Variants in GABRG3 observed in about 807,000 individuals in gnomAD.
GABRG3 encodes the protein gamma-aminobutyric acid receptor subunit gamma-3.
Under a neutral mutation model 48.8 loss-of-function variants are expected in GABRG3, and 25 were observed. That is an observed-to-expected ratio of 0.51 (90% confidence interval 0.37 to 0.72). GABRG3 has a LOEUF of 0.72. Ranked by LOEUF, GABRG3 falls within the 30% of genes least tolerant of loss-of-function variation. The pLI is 0.00. For synonymous variants in GABRG3, 227 were observed against 217.6 expected (o/e 1.04, Z -0.38); for missense variants, 394 against 577.9 (o/e 0.68, Z 3.26).
intron 3 of GABRG3, among the ~76,000 whole-genome samples, chr15:27,220,594 A>G (rs1889419290): frequency 1.3e-5 from 2 of 152,158 alleles, no homozygotes; most frequent in Non-Finnish European, 2.9e-5. Flanking sequence ...GGCATTTTCC[A>G]TCTGGTAGGG....
At chr15:27,166,066 CT>C (rs1473412582) in intron 3 of GABRG3, among the ~76,000 whole-genome samples, 1 of 152,070 alleles carries the variant, frequency 6.6e-6, no homozygotes, top group Non-Finnish European at 1.5e-5. Context: ...CTGATTACGT[CT>C]TTAGGCAATG....
chr15:27,026,793 G>A lies in GABRG3; in HGVS notation c.242G>A (p.Ser81Asn), dbSNP rs1171738132. ...ATTGACGTTGACATTTATGTTAACA[G>A]CATTGGTCCTGTGTCATCAATAAAC... ...TVIDVDIYVN[S>N]IGPVSSINME... Residue 81 changes from serine to asparagine, a missense_variant, in exon 3 of 10, where the codon AGC (serine) becomes AAC (asparagine). Around this residue, in one of 3 missense-constraint regions of GABRG3, gnomAD observed 218 missense variants for 309.9 expected, o/e 0.70. Transcript: ENST00000615808. 6.2e-7 allele frequency: 1 copy of A among 1,611,568 alleles called. No individual in the cohort carries two copies. The highest frequency in any genetic ancestry group is 8.5e-7 in the Non-Finnish European group (1 of 1,179,202).
intron 5 of GABRG3, among the ~76,000 whole-genome samples, chr15:27,351,517 GGT>G (rs1894592458): frequency 7.0e-6 from 1 of 143,274 alleles, no homozygotes; most frequent in Non-Finnish European, 1.5e-5. Flanking sequence ...ATGTGTGTAT[GGT>G]GTGTTTGTGT....
At chr15:27,280,057 C>A (rs1891384755) in intron 3 of GABRG3, among the ~76,000 whole-genome samples, 1 of 151,816 alleles carries the variant, frequency 6.6e-6, no homozygotes, top group African/African-American at 2.4e-5. Flanking sequence ...AATGAAATTC[C>A]TTTGGTAGAA....
chr15:27,078,743 G>T (rs562856481), intron 3 of GABRG3, among the ~76,000 whole-genome samples: 1 of 152,352 alleles, frequency 6.6e-6, no homozygotes, highest in African/African-American at 2.4e-5. Context: ...TTCGCATGAG[G>T]ACCATATTAA....
intron 2 of GABRG3, among the ~76,000 whole-genome samples, chr15:26,996,930 G>A (rs917772700): frequency 3.3e-5 from 5 of 152,160 alleles, no homozygotes; most frequent in African/African-American, 1.2e-4. Flanking sequence ...GGGATTACAG[G>A]TGTGAGCCAC....
intron 6 of GABRG3, among the ~76,000 whole-genome samples, chr15:27,481,929 G>A (rs1409112706): frequency 6.6e-6 from 1 of 152,150 alleles, no homozygotes; most frequent in African/African-American, 2.4e-5. Flanking sequence ...GACCTTTGGG[G>A]TCTAAGGCCG....
intron 3 of GABRG3, among the ~76,000 whole-genome samples, chr15:27,255,326 C>G (rs1009001735): frequency 6.6e-6 from 1 of 152,206 alleles, no homozygotes; most frequent in African/African-American, 2.4e-5. Flanking sequence ...AAGGGTGGTA[C>G]AGTCAGTGCC....
chr15:27,487,400 G>A (rs1378685319), intron 6 of GABRG3, among the ~76,000 whole-genome samples: 1 of 152,146 alleles, frequency 6.6e-6, no homozygotes, highest in Non-Finnish European at 1.5e-5. Flanking sequence ...TTTGAGCAAG[G>A]TGGGACATGA....
At chr15:26,973,740 C>T (rs999662055) in intron 1 of GABRG3, among the ~76,000 whole-genome samples, 2 of 152,200 alleles carry the variant, frequency 1.3e-5, no homozygotes, top group Non-Finnish European at 2.9e-5. Context: ...CCTTTTAATG[C>T]TTAAAAATAC....
At chr15:27,131,320 A>C (rs1008010224) in intron 3 of GABRG3, among the ~76,000 whole-genome samples, 1 of 151,744 alleles carries the variant, frequency 6.6e-6, no homozygotes, top group African/African-American at 2.4e-5. Context: ...TCATTCTGTT[A>C]ATTTGGTTTA....
chr15:27,292,250 A>T, intron 3 of GABRG3, among the ~76,000 whole-genome samples: 1 of 111,512 alleles, frequency 9.0e-6, no homozygotes, highest in East Asian at 2.7e-4. Context: ...GGACACAGGG[A>T]GGGGAACATC....
intron 2 of GABRG3, among the ~76,000 whole-genome samples, chr15:27,026,542 CAA>C (rs1895986311): frequency 6.6e-6 from 1 of 152,096 alleles, no homozygotes; most frequent in Non-Finnish European, 1.5e-5. Flanking sequence ...TGAAAAGATA[CAA>C]GTAAGAATCT....
chr15:27,464,064 C>G (rs567178138), intron 5 of GABRG3, among the ~76,000 whole-genome samples: 1 of 152,068 alleles, frequency 6.6e-6, no homozygotes, highest in Non-Finnish European at 1.5e-5. Context: ...TCATACTACT[C>G]CAGGTTTTTT....
At chr15:26,972,902 CAGAG>C in intron 1 of GABRG3, among the ~76,000 whole-genome samples, 1 of 152,138 alleles carries the variant, frequency 6.6e-6, no homozygotes, top group African/African-American at 2.4e-5. Context: ...TTCAAAGAGA[CAGAG>C]CACTCCTTGG....
At chr15:26,979,564 A>T (rs1002603149) in intron 2 of GABRG3, among the ~76,000 whole-genome samples, 3 of 152,198 alleles carry the variant, frequency 2.0e-5, no homozygotes, top group African/African-American at 4.8e-5. Context: ...CATGATACTT[A>T]AAAAAATCAT....
intron 5 of GABRG3, among the ~76,000 whole-genome samples, chr15:27,388,403 G>GT (rs1206955309): frequency 6.8e-6 from 1 of 147,440 alleles, no homozygotes; most frequent in African/African-American, 2.6e-5. Context: ...GGAGGGAGGG[G>GT]AAGGAAGGAA....
intron 3 of GABRG3, among the ~76,000 whole-genome samples, chr15:27,297,560 G>C (rs1195499573): frequency 6.7e-6 from 1 of 149,352 alleles, no homozygotes; most frequent in East Asian, 1.9e-4. Flanking sequence ...AACATGCAAT[G>C]CAAGTTTGTA....
intron 6 of GABRG3, among the ~76,000 whole-genome samples, chr15:27,500,984 ACT>A (rs1890612931): frequency 7.9e-6 from 1 of 127,146 alleles, no homozygotes; most frequent in Admixed American, 9.4e-5. Flanking sequence ...ACGGAGTCTC[ACT>A]CTGTCCCCAG....
Sources: gnomAD v4.1 joint callset for allele counts (sites outside exome capture counted in the v4.1 genomes callset) on GRCh38, gnomAD v4.1.1 for gene constraint, gnomAD v4.1.1 regional missense constraint, MANE v1.5 for transcripts, NCBI Gene and HGNC (gene_info 2026-07-23, HGNC 2026-07-21) for gene names.